DNAAF9: variants seen among roughly 807,000 people sequenced by gnomAD.
DNAAF9 encodes dynein axonemal assembly factor 9, also known as shulin.
DNAAF9 carries 90 observed loss-of-function variants against 167.0 expected under a neutral mutation model. That is an observed-to-expected ratio of 0.54 (90% CI 0.45 to 0.64). The LOEUF is 0.64. Among genes scored for constraint, DNAAF9 ranks in the 30% least tolerant of loss-of-function variants. The pLI is 0.00. For synonymous variants in DNAAF9, 491 were observed against 508.8 expected (o/e 0.96, Z 0.47); for missense variants, 1,315 against 1,442.2 (o/e 0.91, Z 1.43).
Position 3,252,868 on chromosome 20 carries a change from C to A in DNAAF9, c.3422-184G>T, listed in dbSNP as rs569209103. ...ACCACAGCTACAAAGAATGCAATGGCTGTTGTCACAGGGATGTTAATGAGG... is the reference window on the plus strand; with the variant it reads ...ACCACAGCTACAAAGAATGCAATGGATGTTGTCACAGGGATGTTAATGAGG... On this transcript the variant is annotated intron_variant, in intron 36 of 36. Coordinates refer to ENST00000252032, the MANE Select transcript of DNAAF9 (RefSeq NM_001009984.3). Among the ~76,000 whole-genome samples, 3 of 152,336 alleles carry A rather than the reference C, an allele frequency of 2.0e-5. No homozygotes were observed. The East Asian group carries it at 5.8e-4, about 29-fold the overall frequency.
intron 30 of DNAAF9, among the ~76,000 whole-genome samples, chr20:3,265,240 T>C (rs1233766210): frequency 6.6e-6 from 1 of 152,072 alleles, no homozygotes; most frequent in Non-Finnish European, 1.5e-5. Flanking sequence ...TTTCCCCTTT[T>C]TGGTGGGGGA....
chr20:3,326,582 A>T (rs947783900), intron 12 of DNAAF9, among the ~76,000 whole-genome samples: 2 of 151,898 alleles, frequency 1.3e-5, no homozygotes, highest in Non-Finnish European at 2.9e-5. Flanking sequence ...AAATAAAAAT[A>T]AATAAAAATA....
chr20:3,294,725 G>A, intron 23 of DNAAF9, 96 bp from the exon 24 acceptor site: 1 of 772,846 alleles, frequency 1.3e-6, no homozygotes, highest in Admixed American at 2.3e-5. Flanking sequence ...AGAGTCCAAT[G>A]ACAGAGTCAA....
chr20:3,345,421 T>C (rs2070174162), intron 8 of DNAAF9, among the ~76,000 whole-genome samples: 1 of 152,218 alleles, frequency 6.6e-6, no homozygotes, highest in Non-Finnish European at 1.5e-5. Flanking sequence ...CTTCATTCTA[T>C]CATTTCCTCT....
intron 1 of DNAAF9, among the ~76,000 whole-genome samples, chr20:3,383,966 T>C (rs1188760341): frequency 6.6e-6 from 1 of 152,072 alleles, no homozygotes; most frequent in African/African-American, 2.4e-5. Context: ...GCCTGGCTAA[T>C]TTTTGTACTT....
chr20:3,314,496 A>G (rs1469978848), intron 20 of DNAAF9, among the ~76,000 whole-genome samples: 3 of 152,110 alleles, frequency 2.0e-5, no homozygotes, highest in Middle Eastern at 3.2e-3. Flanking sequence ...CAAAATGGGG[A>G]CCTCATTCCT....
intron 3 of DNAAF9, among the ~76,000 whole-genome samples, chr20:3,377,182 G>A (rs1328275814): frequency 1.3e-5 from 2 of 152,210 alleles, no homozygotes; most frequent in Admixed American, 1.3e-4. Context: ...CCAGGTAGCA[G>A]GCTTCAGAAA....
At chr20:3,264,855 A>G (rs2068458823) in intron 30 of DNAAF9, among the ~76,000 whole-genome samples, 1 of 152,210 alleles carries the variant, frequency 6.6e-6, no homozygotes, top group Non-Finnish European at 1.5e-5. Context: ...GGCATGAGCC[A>G]CCGAGCCCGG....
chr20:3,378,454 C>T (rs2123234879), intron 3 of DNAAF9, among the ~76,000 whole-genome samples: 1 of 152,310 alleles, frequency 6.6e-6, no homozygotes, highest in Admixed American at 6.5e-5. Context: ...CTTCAATGCT[C>T]ATGGGTGAAG....
chr20:3,268,076 T>C (rs984853817), intron 30 of DNAAF9, among the ~76,000 whole-genome samples: 2 of 151,816 alleles, frequency 1.3e-5, no homozygotes, highest in Non-Finnish European at 2.9e-5. Flanking sequence ...TTGCCCAGGC[T>C]GGAGTGCAAT....
chr20:3,252,692 C>T lies in DNAAF9; in HGVS notation c.3422-8G>A. On this transcript the variant is annotated splice_polypyrimidine_tract_variant and splice_region_variant and intron_variant, in intron 36 of 36. Transcript: ENST00000252032. ...TCATGAACTGGTCCATGACTGGTAT[C>T]TCATTAAGGAAGAGAGCTCTGAGCC... 6.6e-7 allele frequency: 1 copy of T among 1,514,116 alleles called. No homozygotes were observed. Among genetic ancestry groups the T allele is most frequent in the Non-Finnish European group, 9.2e-7 (1 of 1,088,784 alleles). 93.8% of individuals were successfully genotyped at this position (1,514,116 alleles called of 1,614,324 possible).
Position 3,264,469 on chromosome 20 carries a change from G to A in DNAAF9, c.2842C>T (p.Leu948=). Residue 948 remains leucine, a synonymous_variant, in exon 31 of 37, where the codon CTA becomes TTA. Coordinates refer to ENST00000252032, the MANE Select transcript of DNAAF9 (RefSeq NM_001009984.3). The part of the protein sequence containing the change: ...SENSFSSPEM[L]RSRYLMYPGW... Reference sequence around the variant, plus strand: ...GGATACATTAAATATCGAGATCGTAGCATCTCAGGACTTGAAAAACTGTTT... The same window carrying A: ...GGATACATTAAATATCGAGATCGTAACATCTCAGGACTTGAAAAACTGTTT... 2.6e-6 allele frequency: 4 copies of A among 1,546,690 alleles called. No individual in the cohort carries two copies. Among genetic ancestry groups the A allele is most frequent in the Non-Finnish European group, 3.6e-6 (4 of 1,118,784 alleles).
intron 10 of DNAAF9, among the ~76,000 whole-genome samples, chr20:3,335,048 G>A (rs1175627519): frequency 3.9e-5 from 6 of 152,346 alleles, no homozygotes; most frequent in Non-Finnish European, 2.9e-5. Context: ...CCTGAGAGCA[G>A]AAATTGCTTT....
intron 7 of DNAAF9, among the ~76,000 whole-genome samples, chr20:3,354,499 T>A (rs1037396838): frequency 6.6e-6 from 1 of 152,222 alleles, no homozygotes; most frequent in African/African-American, 2.4e-5. Context: ...TCCATATTCA[T>A]TGTACCATCC....
At chr20:3,406,908 T>C (rs1010349236) in intron 1 of DNAAF9, among the ~76,000 whole-genome samples, 2 of 149,942 alleles carry the variant, frequency 1.3e-5, no homozygotes, top group Non-Finnish European at 3.0e-5. Context: ...ATTATGTACG[T>C]AGGGGGCGGG....
In DNAAF9 at chr20:3,260,046, A is replaced by G. The variant is rs1244161822; in HGVS notation, c.2874-18T>C. 1.3e-6 allele frequency: 2 copies of G among 1,498,488 alleles called. No homozygotes were observed. Among genetic ancestry groups the G allele is most frequent in the Non-Finnish European group, 1.9e-6 (2 of 1,074,748 alleles). 92.8% of individuals were successfully genotyped at this position (1,498,488 alleles called of 1,614,324 possible). ...CTTCATACCTTAAAAGGTTTAAAAAATTTTAAGTACAGGCCGGGCGCGGTG... is the reference window on the plus strand; with the variant it reads ...CTTCATACCTTAAAAGGTTTAAAAAGTTTTAAGTACAGGCCGGGCGCGGTG... On this transcript the variant is annotated intron_variant, in intron 31 of 36. Coordinates refer to ENST00000252032, the MANE Select transcript of DNAAF9 (RefSeq NM_001009984.3).
chr20:3,340,435 C>CGGGGGGGGGCG, intron 10 of DNAAF9, 69 bp downstream of exon 10: 1 of 212,126 alleles, frequency 4.7e-6, no homozygotes, highest in Non-Finnish European at 1.0e-5. Context: ...TGTCTAGCTC[C>CGGGGGGGGGCG]CCCCACCCAC....
In DNAAF9 at chr20:3,375,871, C is replaced by T. The variant is rs145376142; in HGVS notation, c.408+307G>A. 2.6e-5 allele frequency among the ~76,000 whole-genome samples: 4 copies of T among 151,956 alleles called. No individual in the cohort carries two copies. The East Asian group carries it at 7.7e-4, about 29-fold the overall frequency. ...CCAGAAAAAAAAAAAAATCCCAGGG[C>T]AGTCCCTAGGCACTAATCCCCTAAG... On this transcript the variant is annotated intron_variant, in intron 4 of 36. Transcript: ENST00000252032.
At chr20:3,289,597 G>A (rs1369493711) in intron 26 of DNAAF9, among the ~76,000 whole-genome samples, 3 of 152,100 alleles carry the variant, frequency 2.0e-5, no homozygotes, top group Admixed American at 1.3e-4. Flanking sequence ...TCAGCTCACC[G>A]CAGCCTCGCC....
Sources: gnomAD v4.1 joint callset for allele counts (sites outside exome capture counted in the v4.1 genomes callset) on GRCh38, gnomAD v4.1.1 for gene constraint, MANE v1.5 for transcripts, NCBI Gene and HGNC (gene_info 2026-07-23, HGNC 2026-07-21) for gene names.